The following FILIP1L variants were observed in gnomAD, a reference collection of about 807,000 sequenced individuals.
FILIP1L encodes filamin A interacting protein 1 like, also known as filamin A-interacting protein 1-like.
Under a neutral mutation model 96.6 loss-of-function variants are expected in FILIP1L, and 55 were observed. The observed-to-expected ratio is 0.57, with a 90% CI of 0.46 to 0.71. FILIP1L has a LOEUF of 0.71. Ranked by LOEUF, FILIP1L falls within the 30% of genes least tolerant of loss-of-function variation. The pLI is 0.00. For missense variants in FILIP1L, 1,304 were observed against 1,321.2 expected (o/e 0.99, Z 0.20); for synonymous variants, 467 against 473.9 (o/e 0.99, Z 0.19).
chr3:99,991,029 G>C (rs192539479), intron 1 of FILIP1L, among the ~76,000 whole-genome samples: 1 of 152,212 alleles, frequency 6.6e-6, no homozygotes, highest in African/African-American at 2.4e-5. Context: ...TGACAAAGAT[G>C]CCCATAATCT....
intron 4 of FILIP1L, among the ~76,000 whole-genome samples, chr3:99,871,009 A>G (rs147523868): frequency 6.6e-6 from 1 of 152,278 alleles, no homozygotes; most frequent in East Asian, 1.9e-4. Flanking sequence ...CCAGGTATAC[A>G]AAGTCTCATT....
In FILIP1L at chr3:100,069,668, G is replaced by C. The variant is rs143594926; in HGVS notation, c.-11+44385C>G. Reference sequence around the variant, plus strand: ...CAGACATTAATAGTTTCCTGGCATTGCCTATCAGGAAATGTCGTCATGGTC... The same window carrying C: ...CAGACATTAATAGTTTCCTGGCATTCCCTATCAGGAAATGTCGTCATGGTC... On this transcript the variant is annotated intron_variant, in intron 1 of 5. Coordinates refer to ENST00000477258, the MANE Select transcript of FILIP1L (RefSeq NM_001387850.1). Among the ~76,000 whole-genome samples, 705 of 152,244 alleles carry C rather than the reference G, an allele frequency of 4.6e-3. 2 individuals are homozygous for C. The highest frequency in any genetic ancestry group is 7.1e-3 in the South Asian group (34 of 4,822).
chr3:100,038,825 G>A (rs1448623238), intron 1 of FILIP1L, among the ~76,000 whole-genome samples: 1 of 152,074 alleles, frequency 6.6e-6, no homozygotes, highest in African/African-American at 2.4e-5. Context: ...TGATACAGCA[G>A]GATCTCCCAG....
intron 4 of FILIP1L, among the ~76,000 whole-genome samples, chr3:99,891,708 T>C (rs1706087950): frequency 6.6e-6 from 1 of 152,176 alleles, no homozygotes; most frequent in African/African-American, 2.4e-5. Flanking sequence ...AAAGGAAATA[T>C]TTCAAATTAA....
intron 1 of FILIP1L, among the ~76,000 whole-genome samples, chr3:100,093,329 CAGA>C (rs745541351): frequency 7.9e-5 from 12 of 151,860 alleles, no homozygotes; most frequent in Admixed American, 2.0e-4. Context: ...TCAGATAATC[CAGA>C]AGGAGAAAAT....
intron 1 of FILIP1L, among the ~76,000 whole-genome samples, chr3:99,946,633 C>T (rs1708016307): frequency 6.6e-6 from 1 of 151,992 alleles, no homozygotes; most frequent in Non-Finnish European, 1.5e-5. Context: ...TGCATCTAAC[C>T]CACTCTCTTC....
chr3:99,941,563 G>A (rs1020666268), intron 1 of FILIP1L, among the ~76,000 whole-genome samples: 1 of 152,128 alleles, frequency 6.6e-6, no homozygotes, highest in Non-Finnish European at 1.5e-5. Context: ...AAAAGTGAGG[G>A]CAGAAAGGTC....
At chr3:100,037,531 C>G (rs1356851919) in intron 1 of FILIP1L, among the ~76,000 whole-genome samples, 1 of 152,214 alleles carries the variant, frequency 6.6e-6, no homozygotes, top group Non-Finnish European at 1.5e-5. Context: ...AAATCATACC[C>G]TAAGATAAAC....
At chr3:99,977,853 C>A (rs1373464880) in intron 1 of FILIP1L, among the ~76,000 whole-genome samples, 1 of 152,092 alleles carries the variant, frequency 6.6e-6, no homozygotes, top group Non-Finnish European at 1.5e-5. Flanking sequence ...TAAGAGAAAT[C>A]TGTTACCATT....
At chr3:100,064,286 T>C (rs1380088717) in intron 1 of FILIP1L, among the ~76,000 whole-genome samples, 1 of 152,192 alleles carries the variant, frequency 6.6e-6, no homozygotes, top group Admixed American at 6.5e-5. Context: ...TTTAACTTAC[T>C]AATAGACAAA....
At chr3:100,096,548 G>A (rs1324770612) in intron 1 of FILIP1L, among the ~76,000 whole-genome samples, 2 of 152,058 alleles carry the variant, frequency 1.3e-5, no homozygotes, top group African/African-American at 4.8e-5. Flanking sequence ...TTATTTGTAG[G>A]ATGTAGAAAT....
chr3:99,882,870 A>G (rs1016478907), intron 4 of FILIP1L, among the ~76,000 whole-genome samples: 3 of 152,236 alleles, frequency 2.0e-5, no homozygotes, highest in African/African-American at 7.2e-5. Context: ...TTTGTTTTAA[A>G]TTGGAGATTT....
chr3:100,081,964 T>G (rs1224791363), intron 1 of FILIP1L, among the ~76,000 whole-genome samples: 2 of 152,156 alleles, frequency 1.3e-5, no homozygotes, highest in Non-Finnish European at 2.9e-5. Flanking sequence ...AATTGCTGTT[T>G]TAGAGTAGGA....
At chr3:99,837,392 G>A (rs1375643422) in intron 5 of FILIP1L, among the ~76,000 whole-genome samples, 3 of 151,606 alleles carry the variant, frequency 2.0e-5, no homozygotes, top group Non-Finnish European at 4.4e-5. Context: ...CCATGAAAAG[G>A]CATAAGAATA....
chr3:99,901,873 G>A (rs755713296), intron 4 of FILIP1L, among the ~76,000 whole-genome samples: 1 of 151,954 alleles, frequency 6.6e-6, no homozygotes, highest in Non-Finnish European at 1.5e-5. Context: ...TTTGTGAGTG[G>A]TACCACCTGC....
Position 99,833,267 on chromosome 3 carries a change from G to A in FILIP1L, c.3382-2662C>T, listed in dbSNP as rs774623358. 9 of 1,609,750 alleles carry A rather than the reference G, an allele frequency of 5.6e-6. No homozygotes were observed. The South Asian group carries it at 9.9e-5, about 18-fold the overall frequency. ...GGCAGAAGAAGTGGTTCCACCTAGGGAGCAGTAGAAAGAAGAGGAGTAAAT... is the reference window on the plus strand; with the variant it reads ...GGCAGAAGAAGTGGTTCCACCTAGGAAGCAGTAGAAAGAAGAGGAGTAAAT... On this transcript the variant is annotated intron_variant, in intron 5 of 5. Transcript: ENST00000477258.
rs567545574 is a variant in FILIP1L at position 99,871,687 on chromosome 3, A to G, written c.606-20617T>C. On this transcript the variant is annotated intron_variant, in intron 4 of 5. Transcript: ENST00000477258. Reference sequence around the variant, plus strand: ...TCCTGCTAGCTGCGGACGTCTGAGGAGTGCAAAATGCTTAGCTGGAAGATA... The same window carrying G: ...TCCTGCTAGCTGCGGACGTCTGAGGGGTGCAAAATGCTTAGCTGGAAGATA... 2.6e-5 allele frequency among the ~76,000 whole-genome samples: 4 copies of G among 152,238 alleles called. 1 individual carries two copies. In the South Asian group the frequency reaches 8.3e-4, roughly 32 times the overall value.
chr3:100,073,915 A>G (rs191162367), intron 1 of FILIP1L, among the ~76,000 whole-genome samples: 315 of 152,228 alleles, frequency 2.1e-3, no homozygotes, highest in Non-Finnish European at 3.6e-3. Flanking sequence ...TGCCCACTGA[A>G]GTTTTCACAG....
At chr3:99,965,834 A>G (rs1203983250) in intron 1 of FILIP1L, among the ~76,000 whole-genome samples, 1 of 152,150 alleles carries the variant, frequency 6.6e-6, no homozygotes, top group Non-Finnish European at 1.5e-5. Flanking sequence ...AAGCAGTTGC[A>G]GTTTTCCTGC....
Sources: gnomAD v4.1 joint callset for allele counts (sites outside exome capture counted in the v4.1 genomes callset) on GRCh38, gnomAD v4.1.1 for gene constraint, MANE v1.5 for transcripts, NCBI Gene and HGNC (gene_info 2026-07-23, HGNC 2026-07-21) for gene names.